Variants in WDR7 observed in about 807,000 individuals in gnomAD.
The protein encoded by WDR7 is WD repeat domain 7.
A neutral mutation model predicts 169.4 loss-of-function variants in WDR7; 46 were observed. That is an observed-to-expected ratio of 0.27 (90% confidence interval 0.21 to 0.35). The LOEUF (loss-of-function observed/expected upper bound fraction) is 0.35, where lower values mean the gene tolerates loss of function less well. Among genes scored for constraint, WDR7 ranks in the 10% least tolerant of loss-of-function variants. The pLI, the probability that WDR7 is intolerant of heterozygous loss-of-function variation, is 1.00. For missense variants in WDR7, 1,534 were observed against 1,859.3 expected (o/e 0.83, Z 3.22); for synonymous variants, 612 against 666.8 (o/e 0.92, Z 1.27).
chr18:56,754,561 C>T (rs544782013), intron 14 of WDR7, among the ~76,000 whole-genome samples: 40 of 151,948 alleles, frequency 2.6e-4, no homozygotes, highest in African/African-American at 9.2e-4. Context: ...TGTGCGTGTA[C>T]GTGTGGATGA....
At position 56,962,597 on chromosome 18, in the gene WDR7, A is replaced by G. The variant is rs1036756154; in HGVS notation, c.4164+68A>G. 3 of 1,439,402 alleles carry G rather than the reference A, an allele frequency of 2.1e-6. No individual in the cohort carries two copies. The African/African-American group carries it at 4.2e-5, about 20-fold the overall frequency. The allele number at this position is 1,439,402 out of a possible 1,614,324, so 89.2% of individuals were successfully genotyped here. ...TTATTGAAAGGAGAGAGAGACTAGC[A>G]CTTCACCAGTTGACGTGCTGAGCTG... is the stretch of plus-strand genomic sequence containing the variant. On this transcript the variant is annotated intron_variant, in intron 26 of 27. Transcript: ENST00000254442.
In WDR7 at chr18:56,729,213, T is replaced by G. The variant is rs958880764; in HGVS notation, c.1775-2170T>G. Among the ~76,000 whole-genome samples the G allele has an allele frequency of 6.6e-5, 10 of 152,318 alleles. No individual in the cohort carries two copies. In the East Asian group the frequency reaches 1.3e-3, roughly 21 times the overall value. Reference sequence around the variant, plus strand: ...GAGCAGTAAATTCTAAATTTATTCCTGTGAAACTTTAAGATATCTGAAAGA... The same window carrying G: ...GAGCAGTAAATTCTAAATTTATTCCGGTGAAACTTTAAGATATCTGAAAGA... On this transcript the variant is annotated intron_variant, in intron 13 of 27. Coordinates refer to ENST00000254442, the MANE Select transcript of WDR7 (RefSeq NM_015285.3).
chr18:56,820,339 C>CAAAAAAAAAAAAAAAAAAAAAAAA lies in WDR7; in HGVS notation c.3304+4197_3304+4220dup, dbSNP rs386387798. Among the ~76,000 whole-genome samples the CAAAAAAAAAAAAAAAAAAAAAAAA allele has an allele frequency of 4.7e-5, 2 of 42,480 alleles. 1 individual carries two copies. Among genetic ancestry groups the CAAAAAAAAAAAAAAAAAAAAAAAA allele is most frequent in the Non-Finnish European group, 7.6e-5 (2 of 26,256 alleles). 27.9% of individuals were successfully genotyped at this position (42,480 alleles called of 152,430 possible). On this transcript the variant is annotated intron_variant, in intron 20 of 27. Transcript: ENST00000254442. The stretch of plus-strand genomic sequence containing the variant: ...AAGGGTCAAGAGTCACTGACATTGT[C>CAAAAAAAAAAAAAAAAAAAAAAAA]AAAAAAAAAAAAAAAAAAAAAAAAA...
chr18:57,002,628 T>C (rs368506624), intron 26 of WDR7, among the ~76,000 whole-genome samples: 3 of 152,212 alleles, frequency 2.0e-5, no homozygotes, highest in Non-Finnish European at 2.9e-5. Context: ...TTTAGTGATA[T>C]AGTATTTAGA....
intron 19 of WDR7, among the ~76,000 whole-genome samples, chr18:56,802,203 G>A (rs1366240120): frequency 1.3e-5 from 2 of 152,002 alleles, no homozygotes; most frequent in East Asian, 1.9e-4. Flanking sequence ...TTTCCTTAAT[G>A]ACTAATAATG....
At chr18:57,010,249 T>C in intron 26 of WDR7, 1 of 985,460 alleles carries the variant, frequency 1.0e-6, no homozygotes, top group Non-Finnish European at 1.2e-6. Flanking sequence ...AGAAAACATT[T>C]TGTGTGACTT....
intron 14 of WDR7, among the ~76,000 whole-genome samples, chr18:56,749,584 A>G (rs2043757304): frequency 6.6e-6 from 1 of 152,048 alleles, no homozygotes; most frequent in South Asian, 2.1e-4. Context: ...TTAATTAACA[A>G]TAGGAACCAT....
At chr18:56,884,414 A>T (rs923544606) in intron 21 of WDR7, among the ~76,000 whole-genome samples, 6 of 152,120 alleles carry the variant, frequency 3.9e-5, no homozygotes, top group Non-Finnish European at 8.8e-5. Flanking sequence ...CCTTTGTCAG[A>T]TGTGTAGATT....
chr18:56,940,982 C>A (rs1020985592), intron 25 of WDR7, among the ~76,000 whole-genome samples: 1 of 152,070 alleles, frequency 6.6e-6, no homozygotes, highest in South Asian at 2.1e-4. Flanking sequence ...GCTAAGGAGG[C>A]GTGTGTCTTA....
At chr18:56,654,339 C>A (rs180982084) in intron 1 of WDR7, among the ~76,000 whole-genome samples, 72 of 152,260 alleles carry the variant, frequency 4.7e-4, no homozygotes, top group African/African-American at 1.5e-3. Context: ...ACTATGTTGG[C>A]CAGGATGGTC....
In WDR7 at chr18:56,757,196, A is replaced by G. The variant is rs200926236; in HGVS notation, c.2603A>G (p.Lys868Arg). Residue 868 changes from lysine (K) to arginine (R), a missense_variant, in exon 15 of 28, where the codon AAG becomes AGG. Coordinates refer to ENST00000254442, the MANE Select transcript of WDR7 (RefSeq NM_015285.3). ...CATGGGAAAACAGAAGTAGGAAGGA[A>G]GCTGCCAGCGTCTGAGGGAGTAGGA... ...LSHGKTEVGR[K>R]LPASEGVGKG... The G allele has an allele frequency of 6.2e-7, 1 of 1,614,118 alleles. No homozygotes were observed. Among genetic ancestry groups the G allele is most frequent in the South Asian group, 1.1e-5 (1 of 91,084 alleles).
intron 1 of WDR7, among the ~76,000 whole-genome samples, chr18:56,663,265 C>T (rs663678): frequency 0.92 from 139,751 of 152,228 alleles, 65,319 homozygotes; most frequent in East Asian, 1. Flanking sequence ...GGAGGACATA[C>T]CATTCAGTCC....
intron 21 of WDR7, among the ~76,000 whole-genome samples, chr18:56,905,086 A>G (rs150438966): frequency 2.0e-3 from 297 of 152,290 alleles, no homozygotes; most frequent in African/African-American, 6.8e-3. Context: ...CTTACCTGAA[A>G]CAATAAGGAA....
intron 26 of WDR7, among the ~76,000 whole-genome samples, chr18:56,983,822 T>G (rs1389038124): frequency 1.3e-5 from 2 of 152,190 alleles, no homozygotes; most frequent in Non-Finnish European, 2.9e-5. Flanking sequence ...ATCACTAGAA[T>G]AAACAGATAA....
chr18:56,767,991 C>A (rs79428527), intron 16 of WDR7, among the ~76,000 whole-genome samples: 2 of 152,118 alleles, frequency 1.3e-5, no homozygotes, highest in African/African-American at 4.8e-5. Context: ...TGTTATCCTC[C>A]TCATCATCTT....
chr18:56,758,921 C>T lies in WDR7; in HGVS notation c.2816C>T (p.Ser939Phe). The change falls in exon 16 of 28, where the codon TCC (serine) becomes TTC (phenylalanine). Residue 939 changes from serine (S) to phenylalanine (F), a missense_variant. Coordinates refer to ENST00000254442, the MANE Select transcript of WDR7 (RefSeq NM_015285.3). ...LSKARGSPPT[S>F]SNIVQGQIKQ... ...AAGGCAAGGGGTTCCCCTCCAACTT[C>T]CAGTAATATTGTGCAAGGACAGATT... The T allele has an allele frequency of 6.2e-7, 1 of 1,613,118 alleles. No individual in the cohort carries two copies. Among genetic ancestry groups the T allele is most frequent in the Non-Finnish European group, 8.5e-7 (1 of 1,179,470 alleles).
intron 21 of WDR7, among the ~76,000 whole-genome samples, chr18:56,891,218 C>T: frequency 6.6e-6 from 1 of 152,102 alleles, no homozygotes; most frequent in South Asian, 2.1e-4. Flanking sequence ...GAATACATGA[C>T]ATTTATACTA....
chr18:56,670,604 G>A (rs527458547), intron 1 of WDR7, among the ~76,000 whole-genome samples: 51 of 152,054 alleles, frequency 3.4e-4, no homozygotes, highest in African/African-American at 1.1e-3. Context: ...TCTGCCTCCC[G>A]GGTTCAAGTG....
At chr18:56,840,565 A>G (rs941828419) in intron 20 of WDR7, among the ~76,000 whole-genome samples, 1 of 152,206 alleles carries the variant, frequency 6.6e-6, no homozygotes, top group African/African-American at 2.4e-5. Flanking sequence ...TCACTCCTGC[A>G]ATACCAGCAT....
Sources: allele counts gnomAD v4.1 joint callset (sites outside exome capture counted in the v4.1 genomes callset), GRCh38; gene constraint gnomAD v4.1.1; transcripts MANE v1.5; gene names NCBI Gene and HGNC (gene_info 2026-07-23, HGNC 2026-07-21).